The following IARS2 variants were observed in gnomAD, a reference collection of about 807,000 sequenced individuals.
The protein encoded by IARS2 is isoleucine--tRNA ligase, mitochondrial.
A neutral mutation model predicts 126.3 loss-of-function variants in IARS2; 56 were observed. The observed-to-expected ratio is 0.44, with a 90% CI of 0.36 to 0.55. The LOEUF (loss-of-function observed/expected upper bound fraction) is 0.55. Ranked by LOEUF, IARS2 falls within the 20% of genes least tolerant of loss-of-function variation. The pLI is 0.00. For synonymous variants in IARS2, 407 were observed against 441.1 expected, an observed-to-expected ratio of 0.92 and a Z score of 0.97; for missense variants, 1,127 against 1,245.9, an observed-to-expected ratio of 0.90 and a Z score of 1.44.
chr1:220,097,160 G>T (rs1375876488), intron 2 of IARS2, among the ~76,000 whole-genome samples: 1 of 152,056 alleles, frequency 6.6e-6, no homozygotes, highest in African/African-American at 2.4e-5. Context: ...CAAAGAGAGA[G>T]AATTTACTGG....
intron 14 of IARS2, among the ~76,000 whole-genome samples, chr1:220,133,857 A>G (rs1657316619): frequency 6.6e-6 from 1 of 152,104 alleles, no homozygotes; most frequent in Admixed American, 6.6e-5. Context: ...GTCTCTTAAC[A>G]TAACCAACAC....
chr1:220,101,686 G>A lies in IARS2; in HGVS notation c.551-443G>A, dbSNP rs10863532. 1.1e-3 allele frequency among the ~76,000 whole-genome samples: 161 copies of A among 149,858 alleles called. 1 individual carries two copies. The highest frequency in any genetic ancestry group is 3.9e-3 in the African/African-American group (158 of 40,606). ...ACTGCATGCCAACCTGGGCAACAGAGCAAGACTCCATCTCAAAAAAAAAAA... is the reference window on the plus strand; with the variant it reads ...ACTGCATGCCAACCTGGGCAACAGAACAAGACTCCATCTCAAAAAAAAAAA... On this transcript the variant is annotated intron_variant, in intron 3 of 22. Coordinates refer to ENST00000366922, the MANE Select transcript of IARS2 (RefSeq NM_018060.4).
intron 12 of IARS2, among the ~76,000 whole-genome samples, chr1:220,123,721 C>T (rs1241409394): frequency 6.6e-6 from 1 of 152,178 alleles, no homozygotes; most frequent in African/African-American, 2.4e-5. Context: ...TCGTGATCCG[C>T]CCGCCTCAGC....
chr1:220,140,072 G>C, intron 18 of IARS2, 111 bp from the exon 19 acceptor site: 1 of 690,084 alleles, frequency 1.4e-6, no homozygotes, highest in Non-Finnish European at 2.6e-6. Context: ...TGCCTGTTTT[G>C]TATTTGTCTC....
At chr1:220,111,059 T>C in intron 11 of IARS2, 122 bp downstream of exon 11, 1 of 898,370 alleles carries the variant, frequency 1.1e-6, no homozygotes. Context: ...TGATTTAGTT[T>C]CATAACATTG....
At chr1:220,096,369 A>G (rs1377503572) in intron 2 of IARS2, 143 bp downstream of exon 2, 6 of 593,130 alleles carry the variant, frequency 1.0e-5, no homozygotes, top group South Asian at 8.5e-5. Flanking sequence ...GCAATATACA[A>G]TTTTAGTACT....
In IARS2 at chr1:220,125,253, A is replaced by G. The variant is rs745355678; in HGVS notation, c.1657A>G (p.Ile553Val). Residue 553 changes from isoleucine (I) to valine (V), a missense_variant, in exon 13 of 23, where the codon ATT becomes GTT. Coordinates refer to ENST00000366922, the MANE Select transcript of IARS2 (RefSeq NM_018060.4). ...CTGAAATAGCCAAACCACTGAGCATATTGTTAAACTAGTGGAACAACACGG... is the reference window on the plus strand; with the variant it reads ...CTGAAATAGCCAAACCACTGAGCATGTTGTTAAACTAGTGGAACAACACGG... ...YLINSQTTEH[I>V]VKLVEQHGSD... 5.0e-6 allele frequency: 8 copies of G among 1,612,356 alleles called. No individual in the cohort carries two copies. Among genetic ancestry groups the G allele is most frequent in the Non-Finnish European group, 6.8e-6 (8 of 1,178,640 alleles).
chr1:220,102,362 G>A lies in IARS2; in HGVS notation c.700-1G>A. On this transcript the variant is annotated splice_acceptor_variant, in intron 4 of 22. Transcript: ENST00000366922. LOFTEE classifies it high-confidence loss of function. ...TAACATCATATTTTTGTCTTTTATA[G>A]GGCTTGGTTTATCGATCTTACAAAC... 1 of 1,613,516 alleles carries A rather than the reference G, an allele frequency of 6.2e-7. No individual in the cohort carries two copies. The highest frequency in any genetic ancestry group is 8.5e-7 in the Non-Finnish European group (1 of 1,179,888).
intron 14 of IARS2, among the ~76,000 whole-genome samples, chr1:220,133,301 C>G (rs779225871): frequency 2.6e-5 from 4 of 152,014 alleles, no homozygotes; most frequent in African/African-American, 9.7e-5. Flanking sequence ...ACACTGCACC[C>G]GGCCCCATCA....
rs1002944217 is a variant in IARS2 at position 220,144,121 on chromosome 1, G to C, written c.2751+987G>C. 1.1e-5 allele frequency: 9 copies of C among 848,314 alleles called. No individual in the cohort carries two copies. The African/African-American group carries it at 1.3e-4, about 12-fold the overall frequency. The allele number at this position is 848,314 out of a possible 1,614,324, so 52.5% of individuals were successfully genotyped here. A position where few individuals can be genotyped will look rare whatever the true frequency, so the allele number is the denominator to read the frequency against. On this transcript the variant is annotated intron_variant, in intron 21 of 22. Transcript: ENST00000366922. ...ATCTTTGCTTTGCACATCAAATCTGGGGCTGATGTCTCCACACTTGTTTAG... is the reference window on the plus strand; with the variant it reads ...ATCTTTGCTTTGCACATCAAATCTGCGGCTGATGTCTCCACACTTGTTTAG...
intron 12 of IARS2, chr1:220,117,707 A>G (rs1261300878): frequency 2.5e-6 from 1 of 406,308 alleles, no homozygotes; most frequent in Non-Finnish European, 4.8e-6. Flanking sequence ...TAGGTTAAAT[A>G]AATATGAGCT....
intron 8 of IARS2, among the ~76,000 whole-genome samples, chr1:220,104,929 C>T (rs956589636): frequency 6.6e-6 from 1 of 152,126 alleles, no homozygotes; most frequent in African/African-American, 2.4e-5. Context: ...CCTAGAAAGA[C>T]TGCCTAGCTA....
At chr1:220,140,741 T>C (rs1025005276) in intron 19 of IARS2, among the ~76,000 whole-genome samples, 1 of 151,720 alleles carries the variant, frequency 6.6e-6, no homozygotes, top group Non-Finnish European at 1.5e-5. Context: ...TCCCAGCACT[T>C]TGGGAGGCCG....
At chr1:220,128,702 A>G (rs1657201645) in intron 14 of IARS2, among the ~76,000 whole-genome samples, 1 of 152,204 alleles carries the variant, frequency 6.6e-6, no homozygotes, top group South Asian at 2.1e-4. Context: ...ACAGTGAGGT[A>G]TAGTGTATTT....
At chr1:220,115,429 C>T (rs945874482) in intron 12 of IARS2, among the ~76,000 whole-genome samples, 10 of 150,398 alleles carry the variant, frequency 6.6e-5, no homozygotes, top group African/African-American at 1.2e-4. Flanking sequence ...GGCATGGTGG[C>T]GCGGGCCTGT....
Position 220,138,035 on chromosome 1 carries a change from A to G in IARS2, c.2167A>G (p.Ile723Val), listed in dbSNP as rs1657414506. 1.2e-6 allele frequency: 2 copies of G among 1,614,014 alleles called. No homozygotes were observed. Among genetic ancestry groups the G allele is most frequent in the Non-Finnish European group, 1.7e-6 (2 of 1,180,008 alleles). ...CGTGCTCAATGCTGCCAGAGATGATATTAGCAAGGTTAGAACTATTATTCT... is the reference window on the plus strand; with the variant it reads ...CGTGCTCAATGCTGCCAGAGATGATGTTAGCAAGGTTAGAACTATTATTCT... ...PSVLNAARDDISKLRNTLRFL... is the reference protein window; with the variant it reads ...PSVLNAARDDVSKLRNTLRFL... The change falls in exon 17 of 23, where the codon ATT becomes GTT. Residue 723 changes from isoleucine to valine, a missense_variant. Physicochemically the swap from Ile to Val is conservative, Grantham distance 29. Coordinates refer to ENST00000366922, the MANE Select transcript of IARS2 (RefSeq NM_018060.4).
rs1558119104 is a variant in IARS2 at position 220,100,587 on chromosome 1, A to C, written c.488A>C (p.Lys163Thr). The change falls in exon 3 of 23, where the codon AAA becomes ACA. Residue 163 changes from lysine (K) to threonine (T), a missense_variant. Physicochemically the swap from Lys to Thr is moderately conservative, Grantham distance 78 (BLOSUM62 -1). Transcript: ENST00000366922. ...TGTCATGGGTTGCCCATTGAAATAA[A>C]AGTATTATCAGAACTTGGTAGAGAA... ...WDCHGLPIEI[K>T]VLSELGREAQ... 1.2e-6 allele frequency: 2 copies of C among 1,613,150 alleles called. No individual in the cohort carries two copies. Among genetic ancestry groups the C allele is most frequent in the Middle Eastern group, 1.7e-4 (1 of 6,056 alleles).
chr1:220,117,735 G>A (rs1283408193), intron 12 of IARS2: 2 of 419,300 alleles, frequency 4.8e-6, no homozygotes, highest in East Asian at 1.5e-4. Flanking sequence ...AAAAACACAA[G>A]TTTTCATTAG....
chr1:220,109,366 C>T (rs922896625), intron 10 of IARS2, among the ~76,000 whole-genome samples: 28 of 150,254 alleles, frequency 1.9e-4, no homozygotes, highest in Non-Finnish European at 2.5e-4. Flanking sequence ...CACCACTGCA[C>T]TCCATCCTGG....
Sources: allele counts gnomAD v4.1 joint callset (sites outside exome capture counted in the v4.1 genomes callset), GRCh38; gene constraint gnomAD v4.1.1; transcripts MANE v1.5; gene names NCBI Gene and HGNC (gene_info 2026-07-23, HGNC 2026-07-21).